NELL1: variants seen among roughly 807,000 people sequenced by gnomAD.
NELL1 encodes neural EGFL like 1.
NELL1 carries 76 observed loss-of-function variants against 107.4 expected under a neutral mutation model. That is an observed-to-expected ratio of 0.71 (90% confidence interval 0.59 to 0.86). NELL1 has a LOEUF of 0.86. NELL1 is among the 40% of genes least tolerant of loss of function. The pLI is 0.00. For synonymous variants in NELL1, 353 were observed against 341.2 expected, an observed-to-expected ratio of 1.03 and a Z score of -0.38; for missense variants, 1,024 against 1,005.5, an observed-to-expected ratio of 1.02 and a Z score of -0.25.
At chr11:20,939,799 G>T (rs547463605) in intron 10 of NELL1, among the ~76,000 whole-genome samples, 1 of 152,178 alleles carries the variant, frequency 6.6e-6, no homozygotes. Context: ...GAACATTCAG[G>T]AGGAGGAACA....
At position 21,144,462 on chromosome 11, in the gene NELL1, T is replaced by A. The variant is rs1612040; in HGVS notation, c.1426+30748T>A. On this transcript the variant is annotated intron_variant, in intron 13 of 19. Coordinates refer to ENST00000357134, the MANE Select transcript of NELL1 (RefSeq NM_006157.5). The stretch of plus-strand genomic sequence containing the variant: ...GAATAAGCTCTTACAAAACAATGCA[T>A]ATAAAGCTTTAGGTTTTCAAATTTG... Among the ~76,000 whole-genome samples, 1,163 of 152,268 alleles carry A rather than the reference T, an allele frequency of 7.6e-3. 14 individuals are homozygous for A. Among genetic ancestry groups the A allele is most frequent in the African/African-American group, 0.026 (1,093 of 41,536 alleles).
At chr11:21,383,758 C>T (rs1342466497) in intron 15 of NELL1, 4 of 150,504 alleles carry the variant, frequency 2.7e-5, no homozygotes, top group African/African-American at 4.9e-5. Context: ...TGAGTGTTTC[C>T]AGTAATCCAG....
intron 4 of NELL1, among the ~76,000 whole-genome samples, chr11:20,873,026 G>A (rs773238841): frequency 6.6e-6 from 1 of 152,164 alleles, no homozygotes; most frequent in Non-Finnish European, 1.5e-5. Context: ...TCTGTTTTAT[G>A]TGAGCAGCAG....
chr11:20,750,149 A>T (rs1183814591), intron 2 of NELL1, among the ~76,000 whole-genome samples: 2 of 152,146 alleles, frequency 1.3e-5, no homozygotes, highest in African/African-American at 4.8e-5. Flanking sequence ...ATTTAGTATT[A>T]TCTCTTTGTG....
intron 13 of NELL1, among the ~76,000 whole-genome samples, chr11:21,226,706 C>A (rs933182763): frequency 5.3e-5 from 8 of 152,102 alleles, no homozygotes; most frequent in African/African-American, 9.7e-5. Flanking sequence ...TTGCAAATAT[C>A]ATCACAATAT....
At chr11:21,548,888 C>T (rs931368321) in intron 16 of NELL1, among the ~76,000 whole-genome samples, 1 of 150,288 alleles carries the variant, frequency 6.7e-6, no homozygotes, top group Non-Finnish European at 1.5e-5. Context: ...CACTGGGGTC[C>T]TAGCATTGCT....
chr11:21,159,180 A>G (rs1359923343), intron 13 of NELL1, among the ~76,000 whole-genome samples: 3 of 152,080 alleles, frequency 2.0e-5, no homozygotes, highest in Admixed American at 2.0e-4. Flanking sequence ...TTTTCTAACC[A>G]GTCAATCATA....
intron 14 of NELL1, among the ~76,000 whole-genome samples, chr11:21,334,215 A>G (rs1297494206): frequency 3.9e-5 from 6 of 152,026 alleles, no homozygotes; most frequent in Admixed American, 3.9e-4. Context: ...GAATGCTACA[A>G]AGGAGAAGTG....
intron 12 of NELL1, among the ~76,000 whole-genome samples, chr11:20,968,631 G>C (rs1480588944): frequency 6.6e-6 from 1 of 152,094 alleles, no homozygotes; most frequent in Non-Finnish European, 1.5e-5. Flanking sequence ...CCTTCATTTT[G>C]ATAAAAAGAT....
At chr11:20,689,103 G>T (rs553889494) in intron 2 of NELL1, among the ~76,000 whole-genome samples, 3 of 151,764 alleles carry the variant, frequency 2.0e-5, no homozygotes, top group Admixed American at 6.6e-5. Flanking sequence ...CATGTCATTT[G>T]CTCACTTTTT....
chr11:20,793,857 A>T (rs1006445161), intron 3 of NELL1, among the ~76,000 whole-genome samples: 8 of 152,022 alleles, frequency 5.3e-5, no homozygotes, highest in Middle Eastern at 3.4e-3. Flanking sequence ...GAGTTGCAGA[A>T]TTTTTTTTCC....
Position 21,157,161 on chromosome 11 carries a change from A to ATG in NELL1, c.1426+43469_1426+43470dup, listed in dbSNP as rs58571261. Among the ~76,000 whole-genome samples the ATG allele has an allele frequency of 1.7e-3, 257 of 149,738 alleles. 2 individuals carry two copies. The highest frequency in any genetic ancestry group is 6.8e-3 in the Middle Eastern group (2 of 292). On this transcript the variant is annotated intron_variant, in intron 13 of 19. Transcript: ENST00000357134. ...TATGAATGTGTATGTATATATATAT[A>ATG]TGTGTGTGTGTGTGTGTGTGTGTAC...
chr11:21,142,616 G>A (rs997303551), intron 13 of NELL1, among the ~76,000 whole-genome samples: 2 of 152,182 alleles, frequency 1.3e-5, no homozygotes, highest in African/African-American at 2.4e-5. Flanking sequence ...AGGTAGTGTG[G>A]TTCTGAAGTA....
intron 2 of NELL1, among the ~76,000 whole-genome samples, chr11:20,681,581 T>C (rs1158748427): frequency 1.3e-5 from 2 of 152,170 alleles, no homozygotes; most frequent in Non-Finnish European, 2.9e-5. Context: ...TCCACATTTT[T>C]AGGTATTTGT....
intron 13 of NELL1, among the ~76,000 whole-genome samples, chr11:21,185,019 C>T (rs1371730913): frequency 6.6e-6 from 1 of 151,844 alleles, no homozygotes; most frequent in African/African-American, 2.4e-5. Context: ...CTTCCTTGAG[C>T]TTAACCAATT....
chr11:20,972,368 G>A (rs561573761), intron 12 of NELL1, among the ~76,000 whole-genome samples: 13 of 152,222 alleles, frequency 8.5e-5, no homozygotes, highest in African/African-American at 3.1e-4. Flanking sequence ...GAGTAGTTAG[G>A]AAGGGGAGGG....
At position 21,328,138 on chromosome 11, in the gene NELL1, A is replaced by G. The variant is rs903261821; in HGVS notation, c.1550-42715A>G. ...TCTCCAGGGGTTATCAGAGACCTTC[A>G]TGGCAACCCCTCCCATCACAGGCCT... On this transcript the variant is annotated intron_variant, in intron 14 of 19. Transcript: ENST00000357134. Among the ~76,000 whole-genome samples the G allele has an allele frequency of 4.6e-5, 7 of 152,182 alleles. 1 individual carries two copies. The highest frequency in any genetic ancestry group is 2.0e-4 in the Admixed American group (3 of 15,278).
chr11:20,817,418 T>A (rs757382132), intron 3 of NELL1, among the ~76,000 whole-genome samples: 109 of 152,320 alleles, frequency 7.2e-4, no homozygotes, highest in Non-Finnish European at 1.1e-3. Context: ...TTCGAGTTCG[T>A]GTGCATAAAG....
At chr11:21,158,428 G>T (rs1168181613) in intron 13 of NELL1, among the ~76,000 whole-genome samples, 1 of 152,178 alleles carries the variant, frequency 6.6e-6, no homozygotes, top group East Asian at 1.9e-4. Flanking sequence ...TTAAATGAGA[G>T]GATTAATTTC....
Sources: allele counts gnomAD v4.1 joint callset (sites outside exome capture counted in the v4.1 genomes callset), GRCh38; gene constraint gnomAD v4.1.1; transcripts MANE v1.5; gene names NCBI Gene and HGNC (gene_info 2026-07-23, HGNC 2026-07-21).